The following NUBPL variants were observed in gnomAD, a reference collection of about 807,000 sequenced individuals.
NUBPL encodes the protein iron-sulfur cluster transfer protein NUBPL.
A neutral mutation model predicts 45.7 loss-of-function variants in NUBPL; 31 were observed. That is an observed-to-expected ratio of 0.68 (90% CI 0.51 to 0.92). NUBPL has a LOEUF of 0.92. Ranked by LOEUF, NUBPL falls within the 40% of genes least tolerant of loss-of-function variation. The probability of loss-of-function intolerance (pLI) is 0.00; values close to 1 mark genes in which losing one functional copy is unlikely to be tolerated. For synonymous variants in NUBPL, 144 were observed against 140.9 expected (o/e 1.02, Z -0.15); for missense variants, 401 against 398.7 (o/e 1.01, Z -0.05).
At chr14:31,842,857 TTAC>T (rs748113100) in intron 8 of NUBPL, among the ~76,000 whole-genome samples, 1 of 152,154 alleles carries the variant, frequency 6.6e-6, no homozygotes, top group African/African-American at 2.4e-5. Context: ...TATACATATA[TTAC>T]TACATTAATA....
intron 7 of NUBPL, among the ~76,000 whole-genome samples, chr14:31,823,570 C>G (rs1311099204): frequency 6.6e-6 from 1 of 151,968 alleles, no homozygotes; most frequent in African/African-American, 2.4e-5. Context: ...AATAAGATTA[C>G]TAGGGCAGTC....
At chr14:31,655,537 A>G (rs919752961) in intron 4 of NUBPL, among the ~76,000 whole-genome samples, 3 of 151,780 alleles carry the variant, frequency 2.0e-5, no homozygotes, top group African/African-American at 7.3e-5. Flanking sequence ...ACATGGCAAA[A>G]CCCCGTCTCT....
chr14:31,779,074 G>A (rs1451801142), intron 6 of NUBPL, among the ~76,000 whole-genome samples: 1 of 152,170 alleles, frequency 6.6e-6, no homozygotes, highest in South Asian at 2.1e-4. Flanking sequence ...AGGCGTGGTG[G>A]CTCATGCTTG....
chr14:31,588,218 G>A (rs1235324642), intron 3 of NUBPL, among the ~76,000 whole-genome samples: 2 of 152,044 alleles, frequency 1.3e-5, no homozygotes, highest in Admixed American at 6.6e-5. Flanking sequence ...TCTTCATTGG[G>A]GGTTATTGTA....
chr14:31,791,989 T>C (rs1007208126), intron 7 of NUBPL, among the ~76,000 whole-genome samples: 3 of 152,234 alleles, frequency 2.0e-5, no homozygotes, highest in African/African-American at 7.2e-5. Context: ...ACAGGTGTTA[T>C]ATGATTTCTA....
chr14:31,652,449 T>C (rs1251802938), intron 4 of NUBPL, among the ~76,000 whole-genome samples: 1 of 152,132 alleles, frequency 6.6e-6, no homozygotes. Context: ...TTTTAAGTGT[T>C]CTCACCACAA....
At chr14:31,613,087 A>T (rs925316049) in intron 4 of NUBPL, among the ~76,000 whole-genome samples, 1 of 152,230 alleles carries the variant, frequency 6.6e-6, no homozygotes, top group African/African-American at 2.4e-5. Flanking sequence ...TGTGGTACGT[A>T]TACACAATGG....
intron 6 of NUBPL, among the ~76,000 whole-genome samples, chr14:31,727,719 A>G (rs780074228): frequency 1.3e-5 from 2 of 152,186 alleles, no homozygotes; most frequent in African/African-American, 2.4e-5. Context: ...TAGTATTTAC[A>G]TTGATATTTC....
intron 4 of NUBPL, among the ~76,000 whole-genome samples, chr14:31,644,012 AT>A (rs1273713264): frequency 6.6e-6 from 1 of 151,276 alleles, no homozygotes; most frequent in Admixed American, 6.6e-5. Flanking sequence ...TTCTGATTTT[AT>A]TTTTTTTGGG....
At chr14:31,756,223 C>G (rs1334780696) in intron 6 of NUBPL, among the ~76,000 whole-genome samples, 1 of 152,074 alleles carries the variant, frequency 6.6e-6, no homozygotes, top group African/African-American at 2.4e-5. Context: ...GTAGTTTTTT[C>G]GAATTCTGTG....
intron 4 of NUBPL, among the ~76,000 whole-genome samples, chr14:31,662,665 G>T (rs1331396809): frequency 6.6e-6 from 1 of 152,090 alleles, no homozygotes; most frequent in Non-Finnish European, 1.5e-5. Flanking sequence ...CCTTTTTATG[G>T]CTGCATAGTA....
At chr14:31,740,128 T>C (rs375361511) in intron 6 of NUBPL, among the ~76,000 whole-genome samples, 2 of 152,218 alleles carry the variant, frequency 1.3e-5, no homozygotes, top group Non-Finnish European at 2.9e-5. Context: ...TGTGTGTAGG[T>C]TTCTGTGTGG....
At chr14:31,761,636 C>T (rs2038811819) in intron 6 of NUBPL, among the ~76,000 whole-genome samples, 1 of 152,058 alleles carries the variant, frequency 6.6e-6, no homozygotes, top group Non-Finnish European at 1.5e-5. Flanking sequence ...TAGCAACCTG[C>T]CTTTTTTCAC....
intron 6 of NUBPL, among the ~76,000 whole-genome samples, chr14:31,713,897 A>G (rs984651430): frequency 3.9e-5 from 6 of 152,178 alleles, no homozygotes; most frequent in African/African-American, 1.2e-4. Context: ...ATGTATCTGT[A>G]TCTGAATTCA....
chr14:31,590,319 AT>A (rs957063548), intron 3 of NUBPL, among the ~76,000 whole-genome samples: 4 of 145,946 alleles, frequency 2.7e-5, no homozygotes, highest in South Asian at 2.2e-4. Context: ...TTCCTCTCTC[AT>A]TTTTTTTTTC....
At chr14:31,563,490 A>G (rs11626526) in intron 2 of NUBPL, among the ~76,000 whole-genome samples, 9,594 of 152,306 alleles carry the variant, frequency 0.063, 414 homozygotes, top group Non-Finnish European at 0.091. Flanking sequence ...TGTTAACATT[A>G]TACCATCTGT....
intron 4 of NUBPL, among the ~76,000 whole-genome samples, chr14:31,622,228 A>T (rs141423426): frequency 1.8e-4 from 27 of 152,228 alleles, no homozygotes; most frequent in Non-Finnish European, 1.8e-4. Flanking sequence ...TCAAGATGTG[A>T]CCTGGCCTTT....
chr14:31,591,727 T>C (rs974637013), intron 3 of NUBPL, among the ~76,000 whole-genome samples: 31 of 152,088 alleles, frequency 2.0e-4, no homozygotes, highest in African/African-American at 7.2e-4. Flanking sequence ...AAAGTATTAG[T>C]GTAGAAGTAT....
chr14:31,832,960 T>G (rs1272842957), intron 8 of NUBPL, among the ~76,000 whole-genome samples: 2 of 152,222 alleles, frequency 1.3e-5, no homozygotes, highest in Non-Finnish European at 2.9e-5. Flanking sequence ...GTTTACATAA[T>G]GTTATATAAT....
Sources: gnomAD v4.1 joint callset for allele counts (sites outside exome capture counted in the v4.1 genomes callset) on GRCh38, gnomAD v4.1.1 for gene constraint, MANE v1.5 for transcripts, NCBI Gene and HGNC (gene_info 2026-07-23, HGNC 2026-07-21) for gene names.